PTPMT1: variants seen among roughly 807,000 people sequenced by gnomAD.
PTPMT1 encodes the protein protein tyrosine phosphatase mitochondrial 1, also known as phosphatidylglycerophosphatase and protein-tyrosine phosphatase 1.
In PTPMT1, 12 loss-of-function variants were observed where a neutral mutation model predicts 17.8. The observed-to-expected ratio is 0.67, with a 90% CI of 0.43 to 1.09. The LOEUF (loss-of-function observed/expected upper bound fraction) is 1.09, where lower values mean the gene tolerates loss of function less well. PTPMT1 is among the 50% of genes least tolerant of loss of function. PTPMT1 has a pLI of 0.00. For missense variants in PTPMT1, 262 were observed against 266.0 expected, an observed-to-expected ratio of 0.99 and a Z score of 0.10; for synonymous variants, 132 against 116.8, an observed-to-expected ratio of 1.13 and a Z score of -0.84.
At chr11:47,569,146 G>A (rs1166225903) in intron 2 of PTPMT1, among the ~76,000 whole-genome samples, 2 of 152,152 alleles carry the variant, frequency 1.3e-5, no homozygotes, top group Middle Eastern at 3.4e-3. Context: ...AGCACTTTGG[G>A]AGGCTGAGGC....
chr11:47,566,545 C>T (rs1598776557), intron 2 of PTPMT1, among the ~76,000 whole-genome samples: 1 of 145,932 alleles, frequency 6.9e-6, no homozygotes, highest in African/African-American at 2.5e-5. Context: ...CCTTTGTGAA[C>T]AAATGTAATG....
rs757751249 is a variant in PTPMT1, at chr11:47,569,832, G to A, written c.388G>A (p.Val130Met). 1.2e-5 allele frequency: 20 copies of A among 1,613,882 alleles called. No individual in the cohort carries two copies. Among genetic ancestry groups the A allele is most frequent in the South Asian group, 5.5e-5 (5 of 91,068 alleles). ...CCAGTCGCTGGGCCAGTGTGTTTAC[G>A]TGCATTGTAAGGCTGGGCGCTCCAG... ...KYQSLGQCVY[V>M]HCKAGRSRSA... Residue 130 changes from valine (V) to methionine (M), a missense_variant, in exon 3 of 4, where the codon GTG (valine) becomes ATG (methionine). Transcript: ENST00000326674.
At chr11:47,567,010 T>C (rs1228287626) in intron 2 of PTPMT1, among the ~76,000 whole-genome samples, 1 of 152,214 alleles carries the variant, frequency 6.6e-6, no homozygotes, top group Non-Finnish European at 1.5e-5. Flanking sequence ...TGGCATCTAA[T>C]AGCACTAAAC....
chr11:47,570,010 T>C (rs2097248683), intron 3 of PTPMT1, 119 bp downstream of exon 3: 2 of 751,050 alleles, frequency 2.7e-6, no homozygotes, highest in African/African-American at 1.8e-5. Flanking sequence ...CTGGGCAACA[T>C]GGCAAAACCG....
chr11:47,567,383 G>A (rs554401583), intron 2 of PTPMT1, among the ~76,000 whole-genome samples: 1 of 151,300 alleles, frequency 6.6e-6, no homozygotes, highest in South Asian at 2.1e-4. Context: ...GCCAGCCTGG[G>A]CGACAGAGTG....
chr11:47,570,137 G>A (rs576179323), intron 3 of PTPMT1, among the ~76,000 whole-genome samples: 10 of 147,586 alleles, frequency 6.8e-5, no homozygotes, highest in African/African-American at 2.0e-4. Flanking sequence ...GCAGTGAGCC[G>A]TGATTTGTGC....
chr11:47,571,445 G>A, intron 3 of PTPMT1, 26 bp from the exon 4 acceptor site: 1 of 1,609,384 alleles, frequency 6.2e-7, no homozygotes, highest in Non-Finnish European at 8.5e-7. Context: ...TTCTTTCTCT[G>A]CTGATTTCCC....
chr11:47,571,688 T>C lies in PTPMT1; in HGVS notation c.*59T>C, dbSNP rs1325672066. Reference sequence around the variant, plus strand: ...TGCTTGATACAGAACAAAAAGAGCTTAACAGGACCAACAGGGCTTAAGCCC... The same window carrying C: ...TGCTTGATACAGAACAAAAAGAGCTCAACAGGACCAACAGGGCTTAAGCCC... On this transcript the variant is annotated 3_prime_UTR_variant, in exon 4 of 4. Coordinates refer to ENST00000326674, the MANE Select transcript of PTPMT1 (RefSeq NM_175732.3). 4 of 1,532,690 alleles carry C rather than the reference T, an allele frequency of 2.6e-6. No homozygotes were observed. The highest frequency in any genetic ancestry group is 3.6e-6 in the Non-Finnish European group (4 of 1,118,626). 94.9% of individuals were successfully genotyped at this position (1,532,690 alleles called of 1,614,324 possible). A position where few individuals can be genotyped will look rare whatever the true frequency, so the allele number is the denominator to read the frequency against.
chr11:47,566,993 T>C (rs551923678), intron 2 of PTPMT1, among the ~76,000 whole-genome samples: 1 of 152,336 alleles, frequency 6.6e-6, no homozygotes, highest in Non-Finnish European at 1.5e-5. Flanking sequence ...CCTATCTTTA[T>C]AGCGTTTGGC....
intron 2 of PTPMT1, among the ~76,000 whole-genome samples, chr11:47,568,989 C>A (rs2097247964): frequency 6.6e-6 from 1 of 151,706 alleles, no homozygotes; most frequent in South Asian, 2.1e-4. Context: ...CCATGCCCGG[C>A]CAAAATAAAA....
Position 47,571,433 on chromosome 11 carries a change from C to G in PTPMT1, c.448-38C>G, listed in dbSNP as rs750785467. Reference sequence around the variant, plus strand: ...GTCAAGGGCACCTTGACACCTGCTTCTTTCTTTCTCTGCTGATTTCCCAAC... The same window carrying G: ...GTCAAGGGCACCTTGACACCTGCTTGTTTCTTTCTCTGCTGATTTCCCAAC... On this transcript the variant is annotated intron_variant, in intron 3 of 3. Coordinates refer to ENST00000326674, the MANE Select transcript of PTPMT1 (RefSeq NM_175732.3). 47 of 1,604,598 alleles carry G rather than the reference C, an allele frequency of 2.9e-5. 2 individuals are homozygous for G. The South Asian group carries it at 5.2e-4, about 18-fold the overall frequency.
intron 2 of PTPMT1, among the ~76,000 whole-genome samples, chr11:47,567,839 G>A (rs768977422): frequency 2.6e-5 from 4 of 151,966 alleles, no homozygotes; most frequent in Admixed American, 6.6e-5. Flanking sequence ...GATTACAGGC[G>A]TGAGCCACCA....
rs1224409433 is a variant in PTPMT1, at chr11:47,572,834, C to A, written c.*1205C>A. On this transcript the variant is annotated 3_prime_UTR_variant, in exon 4 of 4. Coordinates refer to ENST00000326674, the MANE Select transcript of PTPMT1 (RefSeq NM_175732.3). ...TGAGGCACTGCCTTTCTAGTATGTG[C>A]CAAAAAAAACATAACTCTGAATTGG... is the stretch of plus-strand genomic sequence containing the variant. 1 of 1,378,354 alleles carries A rather than the reference C, an allele frequency of 7.3e-7. No homozygotes were observed. The highest frequency in any genetic ancestry group is 1.4e-5 in the South Asian group (1 of 70,920). 85.4% of individuals were successfully genotyped at this position (1,378,354 alleles called of 1,614,324 possible).
At position 47,566,429 on chromosome 11, in the gene PTPMT1, G is replaced by A. The variant is rs192832558; in HGVS notation, c.255+443G>A. On this transcript the variant is annotated intron_variant, in intron 2 of 3. Transcript: ENST00000326674. ...GCCCGGGAGGTGGAGGTTGCAGTGA[G>A]CCGACATCTCGCCATTGCATTCCAG... Among the ~76,000 whole-genome samples, 53 of 148,332 alleles carry A rather than the reference G, an allele frequency of 3.6e-4. 1 individual carries two copies. In the East Asian group the frequency reaches 9.7e-3, roughly 27 times the overall value.
At chr11:47,570,662 A>C (rs1442587011) in intron 3 of PTPMT1, among the ~76,000 whole-genome samples, 2 of 152,208 alleles carry the variant, frequency 1.3e-5, no homozygotes, top group Admixed American at 1.3e-4. Flanking sequence ...TAGTTTCTGG[A>C]AACAGGCTCC....
intron 3 of PTPMT1, among the ~76,000 whole-genome samples, chr11:47,571,113 A>G (rs1200216395): frequency 6.6e-6 from 1 of 152,184 alleles, no homozygotes; most frequent in Non-Finnish European, 1.5e-5. Flanking sequence ...TCGTTCCTAG[A>G]AATTCTTGTA....
At position 47,572,278 on chromosome 11, in the gene PTPMT1, A is replaced by C. The variant is rs2097250385; in HGVS notation, c.*649A>C. On this transcript the variant is annotated 3_prime_UTR_variant, in exon 4 of 4. Transcript: ENST00000326674. The stretch of plus-strand genomic sequence containing the variant: ...GCTTTTAAAAGAGCAGACACCTTAT[A>C]TATTTGAGATTGAAAAAGTTTCTGC... The C allele has an allele frequency of 6.5e-6, 1 of 152,886 alleles. No individual in the cohort carries two copies. Among genetic ancestry groups the C allele is most frequent in the Non-Finnish European group, 1.5e-5 (1 of 68,232 alleles). 9.5% of individuals were successfully genotyped at this position (152,886 alleles called of 1,614,324 possible). A position where few individuals can be genotyped will look rare whatever the true frequency, so the allele number is the denominator to read the frequency against.
Position 47,572,750 on chromosome 11 carries a change from T to G in PTPMT1, c.*1121T>G, listed in dbSNP as rs2097251407. 2 of 646,670 alleles carry G rather than the reference T, an allele frequency of 3.1e-6. No individual in the cohort carries two copies. Among genetic ancestry groups the G allele is most frequent in the East Asian group, 5.5e-5 (2 of 36,286 alleles). 40.1% of individuals were successfully genotyped at this position (646,670 alleles called of 1,614,324 possible). A position where few individuals can be genotyped will look rare whatever the true frequency, so the allele number is the denominator to read the frequency against. On this transcript the variant is annotated 3_prime_UTR_variant, in exon 4 of 4. Coordinates refer to ENST00000326674, the MANE Select transcript of PTPMT1 (RefSeq NM_175732.3). ...CCTACTGTCAGTTCAAGCAACCAGC[T>G]GAGCAGCAGCAGTCTAAAAAGCCCC...
chr11:47,567,559 C>CTTTT lies in PTPMT1; in HGVS notation c.255+1589_255+1592dup, dbSNP rs370022255. 1.3e-4 allele frequency among the ~76,000 whole-genome samples: 15 copies of CTTTT among 116,138 alleles called. 1 individual carries two copies. Among genetic ancestry groups the CTTTT allele is most frequent in the South Asian group, 3.2e-4 (1 of 3,144 alleles). 76.2% of individuals were successfully genotyped at this position (116,138 alleles called of 152,430 possible). On this transcript the variant is annotated intron_variant, in intron 2 of 3. Coordinates refer to ENST00000326674, the MANE Select transcript of PTPMT1 (RefSeq NM_175732.3). The stretch of plus-strand genomic sequence containing the variant: ...CAGAGACCTTATTTCTATTTCTTTT[C>CTTTT]TTTTTTTTTTTTTTTTTTTGAGATG...
Sources: allele counts gnomAD v4.1 joint callset (sites outside exome capture counted in the v4.1 genomes callset), GRCh38; gene constraint gnomAD v4.1.1; transcripts MANE v1.5; gene names NCBI Gene and HGNC (gene_info 2026-07-23, HGNC 2026-07-21).